SBNO2: variants seen among roughly 807,000 people sequenced by gnomAD.
SBNO2 encodes the protein strawberry notch homolog 2, also known as protein strawberry notch homolog 2.
In SBNO2, 89 loss-of-function variants were observed where a neutral mutation model predicts 146.3. The ratio of observed to expected loss-of-function variants is 0.61; its 90% CI spans 0.51 to 0.73. The LOEUF is 0.73. Among genes scored for constraint, SBNO2 ranks in the 30% least tolerant of loss-of-function variants. SBNO2 has a pLI of 0.00. For missense variants in SBNO2, 2,092 were observed against 2,003.7 expected (o/e 1.04, Z -0.84); for synonymous variants, 1,147 against 892.6 (o/e 1.29, Z -5.08).
chr19:1,134,559 T>C (rs2080068576), intron 4 of SBNO2, among the ~76,000 whole-genome samples: 1 of 151,424 alleles, frequency 6.6e-6, no homozygotes, highest in South Asian at 2.1e-4. Context: ...CCACGCAGTG[T>C]GTGAGGCCAT....
At chr19:1,163,567 G>A (rs531886732) in intron 1 of SBNO2, among the ~76,000 whole-genome samples, 8 of 152,194 alleles carry the variant, frequency 5.3e-5, no homozygotes, top group Admixed American at 1.3e-4. Context: ...GGGGTGAGGC[G>A]GCACGAGGCT....
chr19:1,162,643 T>C (rs763607171), intron 1 of SBNO2, among the ~76,000 whole-genome samples: 4 of 152,050 alleles, frequency 2.6e-5, no homozygotes, highest in Non-Finnish European at 5.9e-5. Flanking sequence ...TCTCCCAGCT[T>C]TGTGAGGTGG....
intron 4 of SBNO2, among the ~76,000 whole-genome samples, chr19:1,138,333 G>A (rs1458925907): frequency 6.6e-6 from 1 of 151,686 alleles, no homozygotes; most frequent in Non-Finnish European, 1.5e-5. Context: ...GCCTGGAGCA[G>A]GGGACCCACG....
intron 4 of SBNO2, among the ~76,000 whole-genome samples, chr19:1,139,719 A>C (rs1014287006): frequency 2.0e-5 from 3 of 150,496 alleles, no homozygotes; most frequent in African/African-American, 7.3e-5. Context: ...CACTTGAACC[A>C]GGCAAGCAGA....
intron 14 of SBNO2, among the ~76,000 whole-genome samples, chr19:1,118,528 A>AG (rs1399501949): frequency 1.3e-5 from 2 of 152,058 alleles, no homozygotes; most frequent in Admixed American, 6.5e-5. Context: ...CACCACAGGA[A>AG]GGGGGGCGGT....
rs2080236452 is a variant in SBNO2 at position 1,150,884 on chromosome 19, G to A, written c.94-1442C>T. The stretch of plus-strand genomic sequence containing the variant: ...CAGCCTCGAGATAGGCAAAGCCCTC[G>A]GGGTGACCGCTGCCCCGCTCCTCCA... On this transcript the variant is annotated intron_variant, in intron 2 of 31. Coordinates refer to ENST00000361757, the MANE Select transcript of SBNO2 (RefSeq NM_014963.3). This position sits in a 1 kb window ranked among gnomAD's most constrained non-coding sequence, Gnocchi z 6.2. Among the ~76,000 whole-genome samples the A allele has an allele frequency of 1.3e-5, 2 of 152,164 alleles. No homozygotes were observed. Among genetic ancestry groups the A allele is most frequent in the Admixed American group, 6.5e-5 (1 of 15,284 alleles).
At position 1,154,377 on chromosome 19, in the gene SBNO2, G is replaced by T; in HGVS notation, c.-101C>A. The T allele has an allele frequency of 2.0e-6, 1 of 504,624 alleles. No individual in the cohort carries two copies. The highest frequency in any genetic ancestry group is 3.1e-6 in the Non-Finnish European group (1 of 324,414). The allele number at this position is 504,624 out of a possible 1,614,324, so 31.3% of individuals were successfully genotyped here. A position where few individuals can be genotyped will look rare whatever the true frequency, so the allele number is the denominator to read the frequency against. ...CTATCTGGGCTTCTCGCTCCGTGGT[G>T]GCGGCGGTGGCGGCAGCATCATGAT... On this transcript the variant is annotated 5_prime_UTR_variant, in exon 2 of 32. Coordinates refer to ENST00000361757, the MANE Select transcript of SBNO2 (RefSeq NM_014963.3).
intron 23 of SBNO2, 21 bp downstream of exon 23, chr19:1,111,975 A>C (rs2079767610): frequency 3.7e-6 from 6 of 1,601,290 alleles, no homozygotes; most frequent in Non-Finnish European, 5.1e-6. Context: ...CCGCCCCCCA[A>C]CCCTGCCTTC....
In SBNO2 at chr19:1,119,018, G is replaced by A; in HGVS notation, c.1520C>T (p.Ala507Val). The change falls in exon 14 of 32, where the codon GCC (alanine) becomes GTC (valine). Residue 507 changes from alanine to valine, a missense_variant. Transcript: ENST00000361757. ...PAFECVYNRAALLWAEALNVF... is the reference protein window; with the variant it reads ...PAFECVYNRAVLLWAEALNVF... ...TCGGGTGCGCAGGCTCACCAGCAGG[G>A]CCGCGCGGTTGTAGACGCACTCGAA... 1 of 1,593,960 alleles carries A rather than the reference G, an allele frequency of 6.3e-7. No homozygotes were observed. The highest frequency in any genetic ancestry group is 8.5e-7 in the Non-Finnish European group (1 of 1,172,490).
At chr19:1,142,237 C>A (rs866526497) in intron 4 of SBNO2, among the ~76,000 whole-genome samples, 446 of 8,600 alleles carry the variant, frequency 0.052, 3 homozygotes, top group African/African-American at 0.097. Context: ...CAATGACCTC[C>A]CTCACGATCA....
At chr19:1,152,419 T>C (rs1431849906) in intron 2 of SBNO2, among the ~76,000 whole-genome samples, 1 of 152,182 alleles carries the variant, frequency 6.6e-6, no homozygotes. Flanking sequence ...GATAGAATTC[T>C]TGGATCGGAA....
chr19:1,133,281 G>A (rs1258170556), intron 4 of SBNO2, among the ~76,000 whole-genome samples: 2 of 152,316 alleles, frequency 1.3e-5, no homozygotes, highest in East Asian at 1.9e-4. Context: ...GGGAGGAAGG[G>A]CCCGGCCCTG....
At chr19:1,155,810 G>A (rs892848521) in intron 1 of SBNO2, among the ~76,000 whole-genome samples, 2 of 152,178 alleles carry the variant, frequency 1.3e-5, no homozygotes, top group African/African-American at 4.8e-5. Context: ...CCATCCAGGG[G>A]CCCACCAGTG....
At chr19:1,118,340 A>G (rs1435409357) in intron 14 of SBNO2, among the ~76,000 whole-genome samples, 2 of 151,994 alleles carry the variant, frequency 1.3e-5, no homozygotes, top group Non-Finnish European at 2.9e-5. Context: ...ACCCCGTCTC[A>G]AAAAATAAAA....
At position 1,158,830 on chromosome 19, in the gene SBNO2, G is replaced by A. The variant is rs551892972; in HGVS notation, c.-126-4428C>T. 3.9e-5 allele frequency among the ~76,000 whole-genome samples: 6 copies of A among 152,246 alleles called. No homozygotes were observed. Among genetic ancestry groups the A allele is most frequent in the Non-Finnish European group, 5.9e-5 (4 of 68,006 alleles). ...CAGAGCCACGGCCATAAGACAGAGC[G>A]GACTTGCGGCCTCCGGTGACCTCAC... On this transcript the variant is annotated intron_variant, in intron 1 of 31. Coordinates refer to ENST00000361757, the MANE Select transcript of SBNO2 (RefSeq NM_014963.3). This position sits in a 1 kb window ranked among gnomAD's most constrained non-coding sequence, Gnocchi z 9.9.
chr19:1,147,260 C>T (rs758534045), intron 4 of SBNO2, 49 bp downstream of exon 4: 5 of 1,297,838 alleles, frequency 3.9e-6, no homozygotes, highest in Non-Finnish European at 5.4e-6. Flanking sequence ...AGGGGCGGCC[C>T]AGACTCCACC....
intron 4 of SBNO2, among the ~76,000 whole-genome samples, chr19:1,146,581 A>G (rs1366510413): frequency 6.6e-6 from 1 of 151,882 alleles, no homozygotes; most frequent in African/African-American, 2.4e-5. Flanking sequence ...CCGGCCCAGC[A>G]GCAGCCCCTG....
Position 1,150,754 on chromosome 19 carries a change from A to T in SBNO2, c.94-1312T>A, listed in dbSNP as rs578186218. Among the ~76,000 whole-genome samples, 56 of 151,850 alleles carry T rather than the reference A, an allele frequency of 3.7e-4. 1 individual carries two copies. The highest frequency in any genetic ancestry group is 1.3e-3 in the African/African-American group (53 of 41,406). On this transcript the variant is annotated intron_variant, in intron 2 of 31. Transcript: ENST00000361757. The surrounding 1 kb of genome is among the most constrained non-coding windows in gnomAD (Gnocchi z 6.2). ...TGATGCAATTCCCTGGGGCTCGGCC[A>T]CCTCTGCCCCTCATTCACCTCACAC...
intron 3 of SBNO2, among the ~76,000 whole-genome samples, 195 bp from the exon 4 acceptor site, chr19:1,147,615 C>T (rs1305128874): frequency 2.0e-5 from 3 of 152,130 alleles, no homozygotes; most frequent in Admixed American, 1.3e-4. Flanking sequence ...CTGGGGCTGC[C>T]CTCCCACCCC....
Sources: gnomAD v4.1 joint callset for allele counts (sites outside exome capture counted in the v4.1 genomes callset) on GRCh38, gnomAD v4.1.1 for gene constraint, Gnocchi (gnomAD v3.1) non-coding constraint, MANE v1.5 for transcripts, NCBI Gene and HGNC (gene_info 2026-07-23, HGNC 2026-07-21) for gene names.